The following PI4K2B variants were observed in gnomAD, a reference collection of about 807,000 sequenced individuals.
The protein encoded by PI4K2B is phosphatidylinositol 4-kinase type 2-beta.
Under a neutral mutation model 56.6 loss-of-function variants are expected in PI4K2B, and 46 were observed. That is an observed-to-expected ratio of 0.81 (90% CI 0.64 to 1.04). PI4K2B has a LOEUF of 1.04. Ranked by LOEUF, PI4K2B falls within the 50% of genes least tolerant of loss-of-function variation. The probability of loss-of-function intolerance (pLI) is 0.00; values close to 1 mark genes in which losing one functional copy is unlikely to be tolerated. For synonymous variants in PI4K2B, 211 were observed against 223.8 expected, an observed-to-expected ratio of 0.94 and a Z score of 0.51; for missense variants, 556 against 607.7, an observed-to-expected ratio of 0.91 and a Z score of 0.89.
chr4:25,269,090 A>T, intron 8 of PI4K2B, 54 bp from the exon 9 acceptor site: 1 of 996,358 alleles, frequency 1.0e-6, no homozygotes, highest in Non-Finnish European at 1.6e-6. Flanking sequence ...CTGTTTTCAA[A>T]TATTTATATC....
Position 25,256,555 on chromosome 4 carries a change from G to A in PI4K2B, c.637G>A (p.Val213Ile). ...TGTATGTTTCTAGGTGGTTTGGCTT[G>A]TCAGTGAGACATTTAACTATAATGC... ...IVPKTKVVWL[V>I]SETFNYNAID... The change falls in exon 4 of 10, where the codon GTC becomes ATC. Residue 213 changes from valine to isoleucine, a missense_variant. Physicochemically the swap from Val to Ile is conservative, Grantham distance 29 (BLOSUM62 3). Coordinates refer to ENST00000264864, the MANE Select transcript of PI4K2B (RefSeq NM_018323.4). The A allele has an allele frequency of 6.2e-7, 1 of 1,612,846 alleles. No individual in the cohort carries two copies. Among genetic ancestry groups the A allele is most frequent in the Non-Finnish European group, 8.5e-7 (1 of 1,179,648 alleles).
intron 9 of PI4K2B, among the ~76,000 whole-genome samples, chr4:25,270,348 TTTC>T (rs1271838184): frequency 4.6e-5 from 7 of 151,912 alleles, no homozygotes; most frequent in Admixed American, 2.0e-4. Flanking sequence ...TTTTTCTTTT[TTTC>T]TTTTCTTTTT....
chr4:25,273,606 G>T (rs1242462044), intron 9 of PI4K2B, among the ~76,000 whole-genome samples: 1 of 152,148 alleles, frequency 6.6e-6, no homozygotes. Flanking sequence ...AAATAAGGGC[G>T]CCTGCCAGCC....
intron 7 of PI4K2B, among the ~76,000 whole-genome samples, chr4:25,266,303 A>T (rs1279826178): frequency 6.6e-6 from 1 of 152,216 alleles, no homozygotes; most frequent in Non-Finnish European, 1.5e-5. Context: ...AGTAGCTGAG[A>T]CTACAGGCAC....
chr4:25,262,510 G>A (rs1448936387), intron 6 of PI4K2B, among the ~76,000 whole-genome samples: 1 of 152,088 alleles, frequency 6.6e-6, no homozygotes, highest in African/African-American at 2.4e-5. Context: ...TAAAGTTGGC[G>A]TACCTCACAT....
chr4:25,273,805 T>A (rs371828590), intron 9 of PI4K2B, among the ~76,000 whole-genome samples: 6 of 152,354 alleles, frequency 3.9e-5, no homozygotes, highest in East Asian at 3.9e-4. Context: ...TTTGTCCATG[T>A]GTACAGGCTC....
At chr4:25,262,249 G>A (rs939582447) in intron 6 of PI4K2B, among the ~76,000 whole-genome samples, 48 of 152,338 alleles carry the variant, frequency 3.2e-4, no homozygotes, top group African/African-American at 9.4e-4. Flanking sequence ...GCTGAGGTGG[G>A]AGGATTGCTT....
intron 1 of PI4K2B, among the ~76,000 whole-genome samples, chr4:25,241,965 T>G (rs1257807600): frequency 6.6e-6 from 1 of 152,172 alleles, no homozygotes; most frequent in South Asian, 2.1e-4. Context: ...TTTCCTTGTT[T>G]AGAGTATAGA....
At chr4:25,268,132 A>G (rs746994505) in intron 7 of PI4K2B, among the ~76,000 whole-genome samples, 5 of 152,218 alleles carry the variant, frequency 3.3e-5, no homozygotes, top group Non-Finnish European at 5.9e-5. Context: ...TGTACAAAGT[A>G]TAGGTATTCA....
intron 7 of PI4K2B, 38 bp downstream of exon 7, chr4:25,263,887 CT>C: frequency 1.2e-5 from 10 of 867,566 alleles, no homozygotes; most frequent in South Asian, 8.3e-5. Context: ...CTATAATTAC[CT>C]TTTTTCCAGA....
At chr4:25,264,383 C>T (rs1048096662) in intron 7 of PI4K2B, among the ~76,000 whole-genome samples, 3 of 151,944 alleles carry the variant, frequency 2.0e-5, no homozygotes, top group Admixed American at 2.0e-4. Context: ...TTAGAATTCT[C>T]TTATAATTAA....
chr4:25,275,420 T>C (rs577256339), intron 9 of PI4K2B, among the ~76,000 whole-genome samples: 1 of 152,236 alleles, frequency 6.6e-6, no homozygotes, highest in South Asian at 2.1e-4. Context: ...TCCCAGCACT[T>C]TGGGAGGCTG....
Position 25,237,242 on chromosome 4 carries a change from C to T in PI4K2B, c.268+2811C>T, listed in dbSNP as rs377761239. 1.2e-3 allele frequency among the ~76,000 whole-genome samples: 178 copies of T among 152,330 alleles called. 2 individuals carry two copies. In the South Asian group the frequency reaches 0.022, roughly 18 times the overall value. ...TAATCAGTGAATTCGGTAGTAATGA[C>T]AGCTAATGCCTACATAGCAGTTAAT... On this transcript the variant is annotated intron_variant, in intron 1 of 9. Transcript: ENST00000264864.
intron 1 of PI4K2B, among the ~76,000 whole-genome samples, chr4:25,235,333 TAAA>T (rs1455223572): frequency 6.6e-6 from 1 of 152,216 alleles, no homozygotes; most frequent in Non-Finnish European, 1.5e-5. Context: ...CATGACAACT[TAAA>T]AACCACAGAA....
In PI4K2B at chr4:25,277,552, A is replaced by G. The variant is rs1717150720; in HGVS notation, c.*365A>G. On this transcript the variant is annotated 3_prime_UTR_variant, in exon 10 of 10. Transcript: ENST00000264864. ...TTCATGCTAATTCTTCTTACATTAC[A>G]AAAGGCCTTTGAGGATGCCTACGTC... is the stretch of plus-strand genomic sequence containing the variant. The G allele has an allele frequency of 6.4e-6, 1 of 157,346 alleles. No homozygotes were observed. The highest frequency in any genetic ancestry group is 2.0e-4 in the South Asian group (1 of 5,014). The allele number at this position is 157,346 out of a possible 1,614,324, so 9.7% of individuals were successfully genotyped here.
chr4:25,240,560 G>C (rs181142770), intron 1 of PI4K2B, among the ~76,000 whole-genome samples: 2 of 152,246 alleles, frequency 1.3e-5, no homozygotes, highest in East Asian at 1.9e-4. Context: ...TGATTTCCTG[G>C]GGCAATGGTA....
At chr4:25,266,040 T>TA (rs1056501836) in intron 7 of PI4K2B, among the ~76,000 whole-genome samples, 2 of 152,004 alleles carry the variant, frequency 1.3e-5, no homozygotes, top group Non-Finnish European at 2.9e-5. Flanking sequence ...TTTTTTTTTT[T>TA]AATCAGTGTG....
intron 6 of PI4K2B, among the ~76,000 whole-genome samples, chr4:25,261,447 A>T (rs1259288726): frequency 1.3e-5 from 2 of 152,006 alleles, no homozygotes; most frequent in Admixed American, 6.6e-5. Context: ...TTTACATAAG[A>T]TTTTTTTTAT....
At chr4:25,276,616 A>G in intron 9 of PI4K2B, 1 of 978,174 alleles carries the variant, frequency 1.0e-6, no homozygotes, top group Non-Finnish European at 1.2e-6. Flanking sequence ...GAATGAATGG[A>G]TAAGGCAAGT....
Sources: allele counts gnomAD v4.1 joint callset (sites outside exome capture counted in the v4.1 genomes callset), GRCh38; gene constraint gnomAD v4.1.1; transcripts MANE v1.5; gene names NCBI Gene and HGNC (gene_info 2026-07-23, HGNC 2026-07-21).